Variants in ZSCAN25 observed in about 807,000 individuals in gnomAD.
The protein encoded by ZSCAN25 is zinc finger and SCAN domain containing 25.
A neutral mutation model predicts 38.7 loss-of-function variants in ZSCAN25; 27 were observed. The observed-to-expected ratio is 0.70, with a 90% CI of 0.51 to 0.96. ZSCAN25 has a LOEUF of 0.96. Among genes scored for constraint, ZSCAN25 ranks in the 40% least tolerant of loss-of-function variants. The pLI, the probability that ZSCAN25 is intolerant of heterozygous loss-of-function variation, is 0.00. For synonymous variants in ZSCAN25, 273 were observed against 277.7 expected (o/e 0.98, Z 0.17); for missense variants, 637 against 705.9 (o/e 0.90, Z 1.11).
the ZSCAN25 span, among the ~76,000 whole-genome samples, chr7:99,727,461 A>C: frequency 6.6e-6 from 1 of 152,106 alleles, no homozygotes; most frequent in Admixed American, 6.6e-5. Context: ...TGAGTCTCCC[A>C]CAATTACCAT....
At chr7:99,660,707 C>G in the ZSCAN25 span, 1 of 1,599,198 alleles carries the variant, frequency 6.3e-7, no homozygotes, top group African/African-American at 1.3e-5. Context: ...CAACGTACAA[C>G]ATCACAGCTT....
the ZSCAN25 span, chr7:99,676,387 T>C: frequency 6.6e-7 from 1 of 1,516,470 alleles, no homozygotes; most frequent in African/African-American, 1.4e-5. Flanking sequence ...CTGACTATTC[T>C]GAGACCCCTG....
the ZSCAN25 span, chr7:99,652,712 C>CT: frequency 1.1e-5 from 18 of 1,614,142 alleles, no homozygotes; most frequent in Non-Finnish European, 1.4e-5. Context: ...TGGGAATAAT[C>CT]TGAGTGTTTC....
At chr7:99,702,299 C>T in the ZSCAN25 span, among the ~76,000 whole-genome samples, 1 of 152,094 alleles carries the variant, frequency 6.6e-6, no homozygotes, top group Non-Finnish European at 1.5e-5. Flanking sequence ...CCTTATTGGC[C>T]AGGCTGGTCT....
chr7:99,660,032 C>T, the ZSCAN25 span: 1 of 200,854 alleles, frequency 5.0e-6, no homozygotes, highest in South Asian at 1.8e-4. Context: ...TGATGCCTCG[C>T]CCTGCTTTGG....
chr7:99,668,935 C>T, the ZSCAN25 span, among the ~76,000 whole-genome samples: 5 of 152,160 alleles, frequency 3.3e-5, no homozygotes, highest in Admixed American at 6.5e-5. Context: ...AATATTTCAA[C>T]CTACCTTTGT....
At chr7:99,659,589 CT>C in the ZSCAN25 span, 3 of 152,894 alleles carry the variant, frequency 2.0e-5, no homozygotes. Flanking sequence ...AGAACCACTA[CT>C]CTCTTCAAAG....
chr7:99,652,407 G>T, the ZSCAN25 span: 16 of 572,928 alleles, frequency 2.8e-5, no homozygotes, highest in East Asian at 6.1e-5. Context: ...GGTTTGTAAA[G>T]TTTGATAATT....
the ZSCAN25 span, chr7:99,699,905 G>T: frequency 3.9e-5 from 43 of 1,100,464 alleles, no homozygotes; most frequent in Non-Finnish European, 5.9e-5. Context: ...GGGAACAGGG[G>T]CCTGAGTAGC....
At chr7:99,659,264 T>G in the ZSCAN25 span, 1 of 152,376 alleles carries the variant, frequency 6.6e-6, no homozygotes. Flanking sequence ...GGTGTGGATG[T>G]CCTTTCTGTT....
the ZSCAN25 span, among the ~76,000 whole-genome samples, chr7:99,688,338 A>C: frequency 6.6e-6 from 1 of 152,226 alleles, no homozygotes; most frequent in Non-Finnish European, 1.5e-5. Flanking sequence ...TCTACCAAGC[A>C]AATGGACAAC....
chr7:99,645,364 T>C, the ZSCAN25 span, among the ~76,000 whole-genome samples: 1 of 152,202 alleles, frequency 6.6e-6, no homozygotes, highest in Non-Finnish European at 1.5e-5. Context: ...AGTCCGTAAT[T>C]GATGGGTGTT....
chr7:99,692,838 A>T, the ZSCAN25 span, among the ~76,000 whole-genome samples: 6 of 152,282 alleles, frequency 3.9e-5, no homozygotes, highest in African/African-American at 1.4e-4. Flanking sequence ...ATGGGTTAGA[A>T]CATGCTCCTT....
chr7:99,701,797 T>G, the ZSCAN25 span, among the ~76,000 whole-genome samples: 1 of 152,256 alleles, frequency 6.6e-6, no homozygotes, highest in East Asian at 1.9e-4. Flanking sequence ...TTAGGATTAT[T>G]GAATTTTTTC....
At chr7:99,626,718 G>A (rs1807498648) in intron 7 of ZSCAN25, among the ~76,000 whole-genome samples, 1 of 152,206 alleles carries the variant, frequency 6.6e-6, no homozygotes, top group Admixed American at 6.5e-5. Context: ...GGAAGTAGCT[G>A]CAAGTCAGGT....
At chr7:99,724,124 T>C in the ZSCAN25 span, among the ~76,000 whole-genome samples, 22 of 152,124 alleles carry the variant, frequency 1.4e-4, no homozygotes, top group Admixed American at 9.8e-4. Flanking sequence ...CCTTCTCTTT[T>C]CTCTGGGCTT....
rs1359672269 is a variant in ZSCAN25 at position 99,629,270 on chromosome 7, G to A, written c.885G>A (p.Arg295=). 3.1e-6 allele frequency: 5 copies of A among 1,614,064 alleles called. No homozygotes were observed. The highest frequency in any genetic ancestry group is 4.2e-6 in the Non-Finnish European group (5 of 1,180,020). The change falls in exon 8 of 8, where the codon AGG becomes AGA. Residue 295 remains arginine (R), a synonymous_variant. Transcript: ENST00000394152. This position sits in a 1 kb window ranked among gnomAD's most constrained non-coding sequence, Gnocchi z 5.6. ...KGALVALTSE[R]FGEASLQGPG... is the part of the protein sequence containing the mutation. The stretch of plus-strand genomic sequence containing the variant: ...CGCTGGTGGCACTGACATCAGAGAG[G>A]TTTGGGGAAGCCTCTCTCCAGGGCC...
chr7:99,619,468 A>G lies in ZSCAN25; in HGVS notation c.-46-93A>G, dbSNP rs1005208814. 5 of 1,047,074 alleles carry G rather than the reference A, an allele frequency of 4.8e-6. No individual in the cohort carries two copies. The African/African-American group carries it at 7.9e-5, about 17-fold the overall frequency. The allele number at this position is 1,047,074 out of a possible 1,614,324, so 64.9% of individuals were successfully genotyped here. On this transcript the variant is annotated intron_variant, in intron 3 of 7. Transcript: ENST00000394152. ...TCAGTCTTTTGAAAATGCCTTGTAA[A>G]AGGTAATTACTGTGTTCTCCAGTGG...
chr7:99,696,236 C>CTTTTTTTTTTTTTTTTTTTTT, the ZSCAN25 span, among the ~76,000 whole-genome samples: 1 of 147,348 alleles, frequency 6.8e-6, no homozygotes, highest in Non-Finnish European at 1.5e-5. Flanking sequence ...GAAAGGGTGA[C>CTTTTTTTTTTTTTTTTTTTTT]TTTTTTTTTT....
Sources: allele counts gnomAD v4.1 joint callset (sites outside exome capture counted in the v4.1 genomes callset), GRCh38; gene constraint gnomAD v4.1.1; non-coding constraint Gnocchi (gnomAD v3.1); transcripts MANE v1.5; gene names NCBI Gene and HGNC (gene_info 2026-07-23, HGNC 2026-07-21).